Variants in GRIP1 observed in about 807,000 individuals in gnomAD.
GRIP1 encodes glutamate receptor interacting protein 1.
In GRIP1, 45 loss-of-function variants were observed where a neutral mutation model predicts 129.9. The observed-to-expected ratio is 0.35, with a 90% CI of 0.27 to 0.44. The LOEUF is 0.44. Among genes scored for constraint, GRIP1 ranks in the 20% least tolerant of loss-of-function variants. The pLI, the probability that GRIP1 is intolerant of heterozygous loss-of-function variation, is 1.00. For missense variants in GRIP1, 1,196 were observed against 1,396.8 expected, an observed-to-expected ratio of 0.86 and a Z score of 2.29; for synonymous variants, 530 against 520.8, an observed-to-expected ratio of 1.02 and a Z score of -0.24.
At chr12:66,985,736 C>T (rs1185904413) in intron 1 of GRIP1, among the ~76,000 whole-genome samples, 3 of 152,152 alleles carry the variant, frequency 2.0e-5, no homozygotes, top group Non-Finnish European at 4.4e-5. Flanking sequence ...CACCTACTAC[C>T]TCTGAGACAT....
intron 2 of GRIP1, among the ~76,000 whole-genome samples, chr12:66,574,192 C>T (rs1363070327): frequency 6.6e-6 from 1 of 152,156 alleles, no homozygotes; most frequent in Non-Finnish European, 1.5e-5. Flanking sequence ...CAGGGATGCC[C>T]CCCACCCACC....
chr12:66,789,737 C>T (rs529909286), intron 1 of GRIP1, among the ~76,000 whole-genome samples: 1 of 152,150 alleles, frequency 6.6e-6, no homozygotes, highest in South Asian at 2.1e-4. Flanking sequence ...TTACTTCTCC[C>T]TTGAATATAA....
rs778468744 is a variant in GRIP1, at chr12:66,394,298, C to T, written c.2039G>A (p.Gly680Glu). ...TGAAATTGTGATGCCAAGGGGCCCC[C>T]CGTAGCGTTTAAGCTCCACGGTGTA... ...IIYTVELKRY[G>E]GPLGITISGT... is the part of the protein sequence containing the mutation. The change falls in exon 17 of 25, where the codon GGG becomes GAG. Residue 680 changes from glycine to glutamate, a missense_variant. Gly to Glu is a moderately conservative substitution (Grantham distance 98, BLOSUM62 -2). Around this residue, in one of 5 missense-constraint regions of GRIP1, gnomAD observed 508 missense variants for 587.0 expected, o/e 0.87. Transcript: ENST00000359742. 4.4e-5 allele frequency: 71 copies of T among 1,613,864 alleles called. No individual in the cohort carries two copies. The highest frequency in any genetic ancestry group is 6.0e-5 in the Non-Finnish European group (71 of 1,179,838).
chr12:66,845,205 C>T (rs944727010), intron 1 of GRIP1, among the ~76,000 whole-genome samples: 1 of 152,012 alleles, frequency 6.6e-6, no homozygotes, highest in African/African-American at 2.4e-5. Context: ...AAATATAATC[C>T]CAGCACTTTG....
At chr12:66,633,294 C>A (rs1036248309) in intron 1 of GRIP1, among the ~76,000 whole-genome samples, 1 of 133,434 alleles carries the variant, frequency 7.5e-6, no homozygotes, top group Non-Finnish European at 1.6e-5. Flanking sequence ...TTATACTATA[C>A]CATACTACAC....
intron 11 of GRIP1, among the ~76,000 whole-genome samples, chr12:66,450,086 G>A (rs1486159770): frequency 6.6e-6 from 1 of 151,510 alleles, no homozygotes; most frequent in Non-Finnish European, 1.5e-5. Flanking sequence ...GGATCACGAG[G>A]TCAGGAAATT....
chr12:66,808,914 T>C (rs1444426822), upstream of GRIP1, among the ~76,000 whole-genome samples: 5 of 152,202 alleles, frequency 3.3e-5, no homozygotes, highest in Non-Finnish European at 5.9e-5. Flanking sequence ...CTAATTACTT[T>C]AAAAGAAATT....
At chr12:66,784,024 T>C (rs1259211169) in intron 1 of GRIP1, among the ~76,000 whole-genome samples, 1 of 152,152 alleles carries the variant, frequency 6.6e-6, no homozygotes, top group Admixed American at 6.5e-5. Context: ...TTACTTTCCA[T>C]ATAATCGTCA....
intron 16 of GRIP1, among the ~76,000 whole-genome samples, chr12:66,395,349 T>C (rs962438955): frequency 6.6e-6 from 1 of 152,220 alleles, no homozygotes; most frequent in Non-Finnish European, 1.5e-5. Flanking sequence ...TAAAATGAAA[T>C]GGTTCAGTGG....
At chr12:66,705,233 C>T (rs2035486329) in intron 1 of GRIP1, among the ~76,000 whole-genome samples, 1 of 152,090 alleles carries the variant, frequency 6.6e-6, no homozygotes, top group Non-Finnish European at 1.5e-5. Flanking sequence ...AGTTCACCCA[C>T]TGAACTAAAA....
intron 1 of GRIP1, among the ~76,000 whole-genome samples, chr12:67,050,144 A>G (rs929551354): frequency 1.3e-5 from 2 of 149,544 alleles, no homozygotes; most frequent in African/African-American, 5.1e-5. Context: ...TATGTTACAA[A>G]TGTTCTTCCA....
intron 1 of GRIP1, among the ~76,000 whole-genome samples, chr12:66,874,488 T>A (rs912311813): frequency 6.6e-6 from 1 of 151,938 alleles, no homozygotes; most frequent in African/African-American, 2.4e-5. Context: ...TGAGACTGAG[T>A]AATTTATAAA....
chr12:66,980,028 T>C (rs1016436896), intron 1 of GRIP1, among the ~76,000 whole-genome samples: 1 of 152,072 alleles, frequency 6.6e-6, no homozygotes, highest in Non-Finnish European at 1.5e-5. Context: ...CTACAATGAT[T>C]ATGTTAGGAG....
At chr12:66,639,206 T>C (rs935165881) in intron 1 of GRIP1, among the ~76,000 whole-genome samples, 5 of 152,152 alleles carry the variant, frequency 3.3e-5, no homozygotes, top group African/African-American at 1.2e-4. Context: ...ACTAATAGTA[T>C]TACTAATCAC....
At chr12:66,534,004 A>T (rs1361637819) in intron 4 of GRIP1, among the ~76,000 whole-genome samples, 5 of 152,164 alleles carry the variant, frequency 3.3e-5, no homozygotes, top group Non-Finnish European at 5.9e-5. Flanking sequence ...GTCTTTTAGC[A>T]GTCAGTTCTC....
At chr12:66,709,687 T>G (rs1173113150) in intron 1 of GRIP1, among the ~76,000 whole-genome samples, 1 of 151,906 alleles carries the variant, frequency 6.6e-6, no homozygotes, top group African/African-American at 2.4e-5. Context: ...TAAGGATTTC[T>G]GATAAGAGAT....
At chr12:66,931,094 C>T (rs2041387709) in intron 1 of GRIP1, among the ~76,000 whole-genome samples, 1 of 152,268 alleles carries the variant, frequency 6.6e-6, no homozygotes, top group Non-Finnish European at 1.5e-5. Flanking sequence ...TAGATATTGA[C>T]TGTCAAGAGG....
At chr12:66,715,685 C>T (rs2035866997) in intron 1 of GRIP1, among the ~76,000 whole-genome samples, 1 of 151,928 alleles carries the variant, frequency 6.6e-6, no homozygotes, top group Non-Finnish European at 1.5e-5. Context: ...CTTGCTCAGA[C>T]CTGTTCCAGA....
chr12:66,624,990 T>C (rs1412098209), intron 1 of GRIP1, among the ~76,000 whole-genome samples: 2 of 145,358 alleles, frequency 1.4e-5, no homozygotes, highest in Non-Finnish European at 3.0e-5. Flanking sequence ...TTAGATCATG[T>C]ATTTCAGTTC....
Sources: allele counts gnomAD v4.1 joint callset (sites outside exome capture counted in the v4.1 genomes callset), GRCh38; gene constraint gnomAD v4.1.1; regional missense constraint gnomAD v4.1.1; transcripts MANE v1.5; gene names NCBI Gene and HGNC (gene_info 2026-07-23, HGNC 2026-07-21).